AGAP1: variants seen among roughly 807,000 people sequenced by gnomAD.
AGAP1 encodes arf-GAP with GTPase, ANK repeat and PH domain-containing protein 1.
A neutral mutation model predicts 105.3 loss-of-function variants in AGAP1; 29 were observed. The observed-to-expected ratio is 0.28, with a 90% confidence interval of 0.21 to 0.38. The LOEUF is 0.38. AGAP1 is among the 10% of genes least tolerant of loss of function. The pLI, the probability that AGAP1 is intolerant of heterozygous loss-of-function variation, is 1.00. For missense variants in AGAP1, 998 were observed against 1,165.1 expected, an observed-to-expected ratio of 0.86 and a Z score of 2.09; for synonymous variants, 509 against 485.9, an observed-to-expected ratio of 1.05 and a Z score of -0.63.
chr2:235,500,157 T>G (rs1941501014), intron 1 of AGAP1, among the ~76,000 whole-genome samples: 1 of 152,200 alleles, frequency 6.6e-6, no homozygotes, highest in Admixed American at 6.5e-5. Flanking sequence ...TCAGATCAGC[T>G]GTCTACAACA....
chr2:235,923,815 T>C (rs931371106), intron 11 of AGAP1, among the ~76,000 whole-genome samples: 4 of 152,134 alleles, frequency 2.6e-5, no homozygotes, highest in Admixed American at 2.0e-4. Flanking sequence ...TTGGTGGCCA[T>C]GTTTATGTGC....
rs114185816 is a variant in AGAP1 at position 235,811,463 on chromosome 2, C to T, written c.1050+4132C>T. 6.6e-3 allele frequency among the ~76,000 whole-genome samples: 1,003 copies of T among 152,358 alleles called. 6 individuals carry two copies. Among genetic ancestry groups the T allele is most frequent in the Middle Eastern group, 0.024 (7 of 294 alleles). ...TACATCTTTTGAGACGTTGTGTTGT[C>T]TCCTGAGGTTTCAGAGAATAAAAAA... On this transcript the variant is annotated intron_variant, in intron 9 of 17. Coordinates refer to ENST00000304032, the MANE Select transcript of AGAP1 (RefSeq NM_001037131.3).
At chr2:235,783,985 G>A (rs561125355) in intron 6 of AGAP1, among the ~76,000 whole-genome samples, 1 of 152,302 alleles carries the variant, frequency 6.6e-6, no homozygotes, top group African/African-American at 2.4e-5. Flanking sequence ...CGGACGGATG[G>A]ACGGACGGAT....
chr2:235,608,077 G>A lies in AGAP1; in HGVS notation c.164-101102G>A, dbSNP rs1250673813. 6.6e-6 allele frequency among the ~76,000 whole-genome samples: 1 copy of A among 152,152 alleles called. No individual in the cohort carries two copies. Among genetic ancestry groups the A allele is most frequent in the Non-Finnish European group, 1.5e-5 (1 of 68,026 alleles). ...AGTCTGCCTGTCTCAGAGCGTGGGC[G>A]GGTTGGCATCGTCTGCACGTTGACC... On this transcript the variant is annotated intron_variant, in intron 1 of 17. Coordinates refer to ENST00000304032, the MANE Select transcript of AGAP1 (RefSeq NM_001037131.3). This position sits in a 1 kb window ranked among gnomAD's most constrained non-coding sequence, Gnocchi z 5.4.
rs1389514226 is a variant in AGAP1 at position 235,970,224 on chromosome 2, AAAAAG to A, written c.1645+1603_1645+1607del. ...CTGTCTTTAAAAAAAAAAAAAAAAA[AAAAAG>A]ACGATTTTTCTCATGTTGTGGGGAG... is the stretch of plus-strand genomic sequence containing the variant. On this transcript the variant is annotated intron_variant, in intron 13 of 17. Transcript: ENST00000304032. This position sits in a 1 kb window ranked among gnomAD's most constrained non-coding sequence, Gnocchi z 5.4. Among the ~76,000 whole-genome samples, 9 of 151,506 alleles carry A rather than the reference AAAAAG, an allele frequency of 5.9e-5. No homozygotes were observed. Among genetic ancestry groups the A allele is most frequent in the African/African-American group, 2.2e-4 (9 of 41,070 alleles).
chr2:235,795,601 T>G (rs574872749), intron 6 of AGAP1, among the ~76,000 whole-genome samples: 8 of 152,330 alleles, frequency 5.3e-5, no homozygotes, highest in African/African-American at 1.9e-4. Flanking sequence ...ATCATTTTCT[T>G]TCCTTGATTT....
rs143197231 is a variant in AGAP1 at position 236,048,979 on chromosome 2, G to C, written c.1892-80G>C. ...TGTCGTTGTGAAGTTTGACTGATTC[G>C]TCGCCTTGTGTTTCTAAGAACGGTT... is the stretch of plus-strand genomic sequence containing the variant. On this transcript the variant is annotated intron_variant, in intron 15 of 17. Coordinates refer to ENST00000304032, the MANE Select transcript of AGAP1 (RefSeq NM_001037131.3). The C allele has an allele frequency of 8.0e-5, 107 of 1,341,188 alleles. No homozygotes were observed. The African/African-American group carries it at 1.2e-3, about 15-fold the overall frequency. The allele number at this position is 1,341,188 out of a possible 1,614,324, so 83.1% of individuals were successfully genotyped here. A position where few individuals can be genotyped will look rare whatever the true frequency, so the allele number is the denominator to read the frequency against.
intron 11 of AGAP1, among the ~76,000 whole-genome samples, chr2:235,911,480 C>T (rs777125133): frequency 6.6e-6 from 1 of 152,216 alleles, no homozygotes; most frequent in African/African-American, 2.4e-5. Flanking sequence ...TGTGAAGAAG[C>T]GTTCACTATG....
At chr2:235,841,847 C>CA (rs1433006455) in intron 9 of AGAP1, among the ~76,000 whole-genome samples, 2 of 152,144 alleles carry the variant, frequency 1.3e-5, no homozygotes, top group East Asian at 3.9e-4. Context: ...TAGGCTCATC[C>CA]AGGCCGCATT....
chr2:235,999,982 C>T (rs967895019), intron 13 of AGAP1, among the ~76,000 whole-genome samples: 1 of 152,030 alleles, frequency 6.6e-6, no homozygotes, highest in African/African-American at 2.4e-5. Flanking sequence ...TCTCATAGAC[C>T]ATTGATCCTG....
At chr2:235,669,903 C>G (rs1232520528) in intron 1 of AGAP1, 4 of 147,918 alleles carry the variant, frequency 2.7e-5, no homozygotes, top group African/African-American at 9.8e-5. Context: ...GCCCCGGGCC[C>G]GGACCCCGGC....
In AGAP1 at chr2:235,936,742, TG is replaced by T. The variant is rs1339936402; in HGVS notation, c.1483+5823del. 1.3e-5 allele frequency among the ~76,000 whole-genome samples: 2 copies of T among 152,084 alleles called. No homozygotes were observed. Among genetic ancestry groups the T allele is most frequent in the Non-Finnish European group, 2.9e-5 (2 of 68,018 alleles). On this transcript the variant is annotated intron_variant, in intron 12 of 17. Coordinates refer to ENST00000304032, the MANE Select transcript of AGAP1 (RefSeq NM_001037131.3). The surrounding 1 kb of genome is among the most constrained non-coding windows in gnomAD (Gnocchi z 4.7). Reference sequence around the variant, plus strand: ...ATGGGAGGGTATCAGTGAAGCGTGGTGGGGAGGAAATACATGTGTTGACAGC... The same window carrying T: ...ATGGGAGGGTATCAGTGAAGCGTGGTGGGAGGAAATACATGTGTTGACAGC...
chr2:235,803,178 ATGG>A (rs1957666046), intron 8 of AGAP1, among the ~76,000 whole-genome samples: 1 of 137,406 alleles, frequency 7.3e-6, no homozygotes, highest in Non-Finnish European at 1.6e-5. Context: ...GGTTGTGGTG[ATGG>A]TGATGATGGT....
At chr2:236,072,734 A>G (rs978511870) in intron 16 of AGAP1, among the ~76,000 whole-genome samples, 5 of 152,158 alleles carry the variant, frequency 3.3e-5, no homozygotes, top group Non-Finnish European at 4.4e-5. Flanking sequence ...TGCTAGGATT[A>G]CAGGAGTGAG....
At position 235,623,515 on chromosome 2, in the gene AGAP1, G is replaced by A. The variant is rs1946551180; in HGVS notation, c.164-85664G>A. On this transcript the variant is annotated intron_variant, in intron 1 of 17. Transcript: ENST00000304032. This position sits in a 1 kb window ranked among gnomAD's most constrained non-coding sequence, Gnocchi z 4.5. ...TGTGTTTGTTTCAGCCCCTCTTGCTGAGCACTTCTCTCTTCCTGTTCCTGT... is the reference window on the plus strand; with the variant it reads ...TGTGTTTGTTTCAGCCCCTCTTGCTAAGCACTTCTCTCTTCCTGTTCCTGT... Among the ~76,000 whole-genome samples, 1 of 152,172 alleles carries A rather than the reference G, an allele frequency of 6.6e-6. No homozygotes were observed. Among genetic ancestry groups the A allele is most frequent in the South Asian group, 2.1e-4 (1 of 4,814 alleles).
At chr2:235,524,962 A>AT (rs1402215871) in intron 1 of AGAP1, among the ~76,000 whole-genome samples, 1 of 152,254 alleles carries the variant, frequency 6.6e-6, no homozygotes, top group African/African-American at 2.4e-5. Flanking sequence ...TTCAATTAAG[A>AT]AAAGCTTTAA....
In AGAP1 at chr2:235,662,726, G is replaced by A. The variant is rs181133947; in HGVS notation, c.164-46453G>A. 4.5e-4 allele frequency among the ~76,000 whole-genome samples: 69 copies of A among 152,260 alleles called. No homozygotes were observed. Among genetic ancestry groups the A allele is most frequent in the African/African-American group, 1.6e-3 (67 of 41,562 alleles). On this transcript the variant is annotated intron_variant, in intron 1 of 17. Coordinates refer to ENST00000304032, the MANE Select transcript of AGAP1 (RefSeq NM_001037131.3). The surrounding 1 kb of genome is among the most constrained non-coding windows in gnomAD (Gnocchi z 4.2). ...TAGCACAGTGTCATAACTCAGCAAA[G>A]GTGCTCAGCAGCTGCAGGAGTTGGG...
intron 11 of AGAP1, among the ~76,000 whole-genome samples, chr2:235,925,160 C>T (rs2052384242): frequency 6.6e-6 from 1 of 152,168 alleles, no homozygotes; most frequent in South Asian, 2.1e-4. Flanking sequence ...CCTTTAAGAC[C>T]CTTGTATTTG....
rs1945678386 is a variant in AGAP1 at position 235,600,077 on chromosome 2, C to G, written c.163+105228C>G. Among the ~76,000 whole-genome samples the G allele has an allele frequency of 6.6e-6, 1 of 152,138 alleles. No homozygotes were observed. The highest frequency in any genetic ancestry group is 2.4e-5 in the African/African-American group (1 of 41,426). On this transcript the variant is annotated intron_variant, in intron 1 of 17. Transcript: ENST00000304032. The surrounding 1 kb of genome is among the most constrained non-coding windows in gnomAD (Gnocchi z 4.8). ...AATATAAACAGCCTCCAGGGAGCCC[C>G]TCTCTCCATCCCAGCCTTTCTTCCT... is the stretch of plus-strand genomic sequence containing the variant.
Sources: gnomAD v4.1 joint callset for allele counts (sites outside exome capture counted in the v4.1 genomes callset) on GRCh38, gnomAD v4.1.1 for gene constraint, Gnocchi (gnomAD v3.1) non-coding constraint, MANE v1.5 for transcripts, NCBI Gene and HGNC (gene_info 2026-07-23, HGNC 2026-07-21) for gene names.